The following GJA3 variants were observed in gnomAD, a reference collection of about 807,000 sequenced individuals.
GJA3 encodes the protein gap junction alpha-3 protein.
For missense variants in GJA3, 571 were observed against 620.3 expected (o/e 0.92, Z 0.84); for synonymous variants, 297 against 292.6 (o/e 1.02, Z -0.15).
intron 1 of GJA3, among the ~76,000 whole-genome samples, chr13:20,158,925 A>G (rs1299314791): frequency 6.6e-6 from 1 of 150,752 alleles, no homozygotes; most frequent in Non-Finnish European, 1.5e-5. Context: ...AAAAAAAAAA[A>G]AAAAAAAAAA....
chr13:20,149,771 C>T (rs1012892041), intron 1 of GJA3, among the ~76,000 whole-genome samples: 1 of 152,182 alleles, frequency 6.6e-6, no homozygotes, highest in African/African-American at 2.4e-5. Context: ...GGGTTGGAAG[C>T]AGTGATTTTA....
At position 20,142,465 on chromosome 13, in the gene GJA3, G is replaced by A. The variant is rs906792164; in HGVS notation, c.824C>T (p.Thr275Ile). The A allele has an allele frequency of 5.2e-6, 8 of 1,537,940 alleles. No individual in the cohort carries two copies. In the African/African-American group the frequency reaches 9.6e-5, roughly 18 times the overall value. The change falls in exon 2 of 2, where the codon ACC (threonine) becomes ATC (isoleucine). Residue 275 changes from threonine to isoleucine, a missense_variant. Physicochemically the swap from Thr to Ile is moderately conservative, Grantham distance 89 (BLOSUM62 -1). Coordinates refer to ENST00000241125, the MANE Select transcript of GJA3 (RefSeq NM_021954.4). ...AIGFPPYYAH[T>I]AAPLGQARAV... is the part of the protein sequence containing the mutation. ...GCGGGCCTGTCCCAGGGGCGCAGCGGTGTGCGCATAGTAGGGTGGGAACCC... is the reference window on the plus strand; with the variant it reads ...GCGGGCCTGTCCCAGGGGCGCAGCGATGTGCGCATAGTAGGGTGGGAACCC...
At chr13:20,158,912 C>CAAAAAAAAAAAA (rs1159654355) in intron 1 of GJA3, among the ~76,000 whole-genome samples, 306 of 54,742 alleles carry the variant, frequency 5.6e-3, no homozygotes, top group East Asian at 0.011. Flanking sequence ...GCAAAACTCT[C>CAAAAAAAAAAAA]AAAAAAAAAA....
intron 1 of GJA3, among the ~76,000 whole-genome samples, chr13:20,145,614 C>T (rs1253310295): frequency 6.6e-6 from 1 of 152,194 alleles, no homozygotes; most frequent in Non-Finnish European, 1.5e-5. Flanking sequence ...AGGACAAAAC[C>T]ATGATAGCAT....
rs1393835885 is a variant in GJA3 at position 20,139,249 on chromosome 13, A to T, written c.*2732T>A. Reference sequence around the variant, plus strand: ...AGAAGTAATTGTATACAGCAGCTTAAAAACCATGTATGTAAATATAATACT... The same window carrying T: ...AGAAGTAATTGTATACAGCAGCTTATAAACCATGTATGTAAATATAATACT... On this transcript the variant is annotated 3_prime_UTR_variant, in exon 2 of 2. Transcript: ENST00000241125. 1 of 152,168 alleles carries T rather than the reference A, an allele frequency of 6.6e-6. No homozygotes were observed. The highest frequency in any genetic ancestry group is 1.5e-5 in the Non-Finnish European group (1 of 68,018). 9.4% of individuals were successfully genotyped at this position (152,168 alleles called of 1,614,324 possible).
intron 1 of GJA3, among the ~76,000 whole-genome samples, chr13:20,160,093 C>A (rs1389138709): frequency 6.6e-6 from 1 of 152,064 alleles, no homozygotes; most frequent in Non-Finnish European, 1.5e-5. Context: ...ATTCACGAAC[C>A]GAGAACTCTA....
In GJA3 at chr13:20,149,839, G is replaced by A. The variant is rs541281251; in HGVS notation, c.-17-6534C>T. 9.2e-5 allele frequency among the ~76,000 whole-genome samples: 14 copies of A among 152,346 alleles called. No homozygotes were observed. In the South Asian group the frequency reaches 2.5e-3, roughly 27 times the overall value. The stretch of plus-strand genomic sequence containing the variant: ...TGGCCATACTCTGCACATAGCAGAC[G>A]TTCAATAAACACTTGCAGGACAGAT... On this transcript the variant is annotated intron_variant, in intron 1 of 1. Transcript: ENST00000241125.
At position 20,140,547 on chromosome 13, in the gene GJA3, G is replaced by A. The variant is rs1958801317; in HGVS notation, c.*1434C>T. On this transcript the variant is annotated 3_prime_UTR_variant, in exon 2 of 2. Transcript: ENST00000241125. ...GAGGTGAAAAGTGTGAGTAGAAACA[G>A]GCTCAACATGACCATCGTTCATTTT... 6.6e-6 allele frequency: 1 copy of A among 152,170 alleles called. No individual in the cohort carries two copies. Among genetic ancestry groups the A allele is most frequent in the African/African-American group, 2.4e-5 (1 of 41,432 alleles). The allele number at this position is 152,170 out of a possible 1,614,324, so 9.4% of individuals were successfully genotyped here. A position where few individuals can be genotyped will look rare whatever the true frequency, so the allele number is the denominator to read the frequency against.
chr13:20,159,082 T>C (rs561213429), intron 1 of GJA3, among the ~76,000 whole-genome samples: 1 of 152,098 alleles, frequency 6.6e-6, no homozygotes, highest in South Asian at 2.1e-4. Flanking sequence ...AGAAACATAC[T>C]GTTTTTTAGA....
intron 1 of GJA3, among the ~76,000 whole-genome samples, chr13:20,151,757 G>C (rs1212611606): frequency 6.6e-6 from 1 of 152,152 alleles, no homozygotes; most frequent in African/African-American, 2.4e-5. Context: ...GATGGGAAGA[G>C]AACCCGGGCT....
chr13:20,158,077 A>C (rs1457431896), intron 1 of GJA3, among the ~76,000 whole-genome samples: 9 of 152,050 alleles, frequency 5.9e-5, no homozygotes, highest in African/African-American at 1.7e-4. Flanking sequence ...GGCTCAAGAG[A>C]TCCTCCTGCC....
rs137988369 is a variant in GJA3, at chr13:20,145,197, T to A, written c.-17-1892A>T. On this transcript the variant is annotated intron_variant, in intron 1 of 1. Transcript: ENST00000241125. Reference sequence around the variant, plus strand: ...AGTCCATCTCAAAAAAATTTTTTTTTAAATATTAATTTTTATGAATTGGTT... The same window carrying A: ...AGTCCATCTCAAAAAAATTTTTTTTAAAATATTAATTTTTATGAATTGGTT... Among the ~76,000 whole-genome samples, 643 of 152,296 alleles carry A rather than the reference T, an allele frequency of 4.2e-3. 3 individuals carry two copies. The highest frequency in any genetic ancestry group is 0.015 in the African/African-American group (605 of 41,566).
Position 20,140,493 on chromosome 13 carries a change from C to T in GJA3, c.*1488G>A, listed in dbSNP as rs1958800963. On this transcript the variant is annotated 3_prime_UTR_variant, in exon 2 of 2. Transcript: ENST00000241125. ...AATGTATTACATTGGTCTCGCTGAA[C>T]AAGGGCTAATGATACTCAGTAGAAG... is the stretch of plus-strand genomic sequence containing the variant. 1 of 152,154 alleles carries T rather than the reference C, an allele frequency of 6.6e-6. No homozygotes were observed. Among genetic ancestry groups the T allele is most frequent in the South Asian group, 2.1e-4 (1 of 4,826 alleles). 9.4% of individuals were successfully genotyped at this position (152,154 alleles called of 1,614,324 possible).
At chr13:20,143,641 C>T (rs1958826729) in intron 1 of GJA3, among the ~76,000 whole-genome samples, 1 of 152,264 alleles carries the variant, frequency 6.6e-6, no homozygotes, top group South Asian at 2.1e-4. Flanking sequence ...TAGGCCACTT[C>T]TGAATCATGA....
chr13:20,161,142 A>G (rs1163084967), upstream of GJA3: 1 of 152,192 alleles, frequency 6.6e-6, no homozygotes, highest in East Asian at 1.9e-4. Flanking sequence ...GCTTCCCAGC[A>G]CGCACACCTA....
chr13:20,144,640 C>A (rs900141126), intron 1 of GJA3, among the ~76,000 whole-genome samples: 10 of 152,172 alleles, frequency 6.6e-5, no homozygotes, highest in African/African-American at 2.4e-4. Flanking sequence ...AGCCTGTGTA[C>A]AACAGGGACC....
At position 20,143,121 on chromosome 13, in the gene GJA3, G is replaced by A; in HGVS notation, c.168C>T (p.Thr56=). The A allele has an allele frequency of 6.2e-7, 1 of 1,613,494 alleles. No individual in the cohort carries two copies. The highest frequency in any genetic ancestry group is 8.5e-7 in the Non-Finnish European group (1 of 1,179,720). ...GDEQSDFTCN[T]QQPGCENVCY... ...AGACGTTCTCGCAGCCCGGCTGCTG[G>A]GTGTTGCAGGTGAAGTCTGACTGCT... Residue 56 remains threonine, a synonymous_variant, in exon 2 of 2, where the codon ACC becomes ACT. Coordinates refer to ENST00000241125, the MANE Select transcript of GJA3 (RefSeq NM_021954.4).
intron 1 of GJA3, among the ~76,000 whole-genome samples, chr13:20,154,113 G>A (rs371890993): frequency 3.3e-5 from 5 of 152,124 alleles, no homozygotes; most frequent in East Asian, 3.9e-4. Flanking sequence ...TTCTAACACA[G>A]GAAACTTAGG....
chr13:20,153,464 T>G (rs2141144139), intron 1 of GJA3, among the ~76,000 whole-genome samples: 1 of 152,102 alleles, frequency 6.6e-6, no homozygotes, highest in East Asian at 1.9e-4. Context: ...TAAAAAAGGA[T>G]GAGTTCATGT....
Sources: allele counts gnomAD v4.1 joint callset (sites outside exome capture counted in the v4.1 genomes callset), GRCh38; gene constraint gnomAD v4.1.1; transcripts MANE v1.5; gene names NCBI Gene and HGNC (gene_info 2026-07-23, HGNC 2026-07-21).